HTR4: variants seen among roughly 807,000 people sequenced by gnomAD.
HTR4 encodes the protein 5-hydroxytryptamine receptor 4.
Under a neutral mutation model 36.8 loss-of-function variants are expected in HTR4, and 16 were observed. The ratio of observed to expected loss-of-function variants is 0.43; its 90% confidence interval spans 0.29 to 0.66. The LOEUF (loss-of-function observed/expected upper bound fraction) is 0.66. Among genes scored for constraint, HTR4 ranks in the 30% least tolerant of loss-of-function variants. HTR4 has a pLI of 0.13. For synonymous variants in HTR4, 189 were observed against 185.1 expected (o/e 1.02, Z -0.17); for missense variants, 438 against 490.9 (o/e 0.89, Z 1.02).
chr5:148,461,391 G>A (rs938357564), intron 5 of HTR4, among the ~76,000 whole-genome samples: 4 of 151,856 alleles, frequency 2.6e-5, no homozygotes, highest in Non-Finnish European at 5.9e-5. Context: ...TAAATTTAAA[G>A]ACATATAGAT....
chr5:148,451,308 A>G lies in HTR4; in HGVS notation c.1077-36T>C, dbSNP rs775718821. Reference sequence around the variant, plus strand: ...AGGAAAGAAGGCATGAGAATTCAACAGGCATGCTCCAACTGCACCGAAGTC... The same window carrying G: ...AGGAAAGAAGGCATGAGAATTCAACGGGCATGCTCCAACTGCACCGAAGTC... On this transcript the variant is annotated intron_variant, in intron 5 of 5. Transcript: ENST00000521530. The G allele has an allele frequency of 3.7e-6, 6 of 1,612,774 alleles. No individual in the cohort carries two copies. In the Admixed American group the frequency reaches 8.3e-5, roughly 22 times the overall value.
intron 5 of HTR4, among the ~76,000 whole-genome samples, chr5:148,518,363 T>G (rs928554510): frequency 6.6e-6 from 1 of 152,152 alleles, no homozygotes; most frequent in Non-Finnish European, 1.5e-5. Context: ...TGAATTAGAT[T>G]CTCAAATATG....
At chr5:148,520,659 CTAAG>C (rs1757968014) in intron 5 of HTR4, among the ~76,000 whole-genome samples, 2 of 152,088 alleles carry the variant, frequency 1.3e-5, no homozygotes, top group African/African-American at 2.4e-5. Flanking sequence ...GTTGTGAAGC[CTAAG>C]TGAGGTTCCC....
At chr5:148,476,614 G>A, downstream of HTR4, 1 of 1,541,168 alleles carries the variant, frequency 6.5e-7, no homozygotes, top group South Asian at 1.3e-5. Flanking sequence ...ACAATGAAAA[G>A]CTTCACATTC....
chr5:148,641,901 G>A (rs1378352419), intron 1 of HTR4, among the ~76,000 whole-genome samples: 1 of 152,150 alleles, frequency 6.6e-6, no homozygotes, highest in Non-Finnish European at 1.5e-5. Flanking sequence ...AGAAGTGTGA[G>A]CACAGGGTTC....
At chr5:148,636,923 T>C in intron 2 of HTR4, 66 bp downstream of exon 2, 9 of 1,031,752 alleles carry the variant, frequency 8.7e-6, no homozygotes, top group Non-Finnish European at 1.2e-5. Flanking sequence ...AACAACAGAT[T>C]TTTAGAGTCT....
chr5:148,554,882 T>A (rs1280538075), intron 2 of HTR4, among the ~76,000 whole-genome samples: 1 of 152,142 alleles, frequency 6.6e-6, no homozygotes, highest in Admixed American at 6.6e-5. Context: ...CCCCCACTTG[T>A]AAGTAAGAAC....
intron 2 of HTR4, among the ~76,000 whole-genome samples, chr5:148,561,012 T>G (rs186077436): frequency 1.3e-5 from 2 of 152,258 alleles, no homozygotes; most frequent in East Asian, 3.9e-4. Flanking sequence ...AGGATGGAAA[T>G]TATATATAAT....
chr5:148,560,210 A>T (rs1365293210), intron 2 of HTR4, among the ~76,000 whole-genome samples: 1,547 of 138,368 alleles, frequency 0.011, 28 homozygotes, highest in African/African-American at 0.039. Context: ...TTTTTTAAAA[A>T]AAAAAAAAAA....
intron 1 of HTR4, among the ~76,000 whole-genome samples, chr5:148,651,545 G>T (rs890056733): frequency 6.6e-6 from 1 of 152,066 alleles, no homozygotes; most frequent in Non-Finnish European, 1.5e-5. Flanking sequence ...CCAAGTAGGG[G>T]TTGCTGCTGG....
intron 2 of HTR4, among the ~76,000 whole-genome samples, chr5:148,550,761 G>C (rs552252733): frequency 3.3e-5 from 5 of 152,264 alleles, no homozygotes; most frequent in African/African-American, 1.2e-4. Flanking sequence ...GCAACCACAG[G>C]GTGGAACCTA....
At chr5:148,458,933 G>T (rs939771184) in intron 5 of HTR4, among the ~76,000 whole-genome samples, 5 of 152,194 alleles carry the variant, frequency 3.3e-5, no homozygotes, top group African/African-American at 4.8e-5. Context: ...GGTAAATTAG[G>T]AGGTGTATTA....
chr5:148,465,254 A>G (rs1755395856), intron 5 of HTR4, among the ~76,000 whole-genome samples: 1 of 152,196 alleles, frequency 6.6e-6, no homozygotes, highest in African/African-American at 2.4e-5. Flanking sequence ...TAATGTGTCA[A>G]TATAGGTTCA....
chr5:148,479,155 G>A (rs896332932), downstream of HTR4, among the ~76,000 whole-genome samples: 28 of 152,240 alleles, frequency 1.8e-4, no homozygotes, highest in South Asian at 3.3e-3. Flanking sequence ...TGCTCATTAG[G>A]TGACCATGTC....
In HTR4 at chr5:148,639,617, G is replaced by GTATATATATATA. The variant is rs370514542; in HGVS notation, c.-47-2568_-47-2557dup. On this transcript the variant is annotated intron_variant, in intron 1 of 6. Coordinates refer to ENST00000377888, the MANE Select transcript of HTR4 (RefSeq NM_000870.7). ...TCTCTGTTCTATTTTTTTCTTCCCAGTATATATATATATATATATATATAT... is the reference window on the plus strand; with the variant it reads ...TCTCTGTTCTATTTTTTTCTTCCCAGTATATATATATATATATATATATATATATATATATAT... 5.5e-3 allele frequency among the ~76,000 whole-genome samples: 614 copies of GTATATATATATA among 111,794 alleles called. 14 individuals are homozygous for GTATATATATATA. The highest frequency in any genetic ancestry group is 0.014 in the African/African-American group (385 of 27,196). 73.3% of individuals were successfully genotyped at this position (111,794 alleles called of 152,430 possible).
intron 1 of HTR4, among the ~76,000 whole-genome samples, chr5:148,650,566 AG>A (rs1219811251): frequency 6.6e-6 from 1 of 152,164 alleles, no homozygotes; most frequent in Non-Finnish European, 1.5e-5. Flanking sequence ...ATAAAGACAG[AG>A]TTTTTTTTAA....
intron 2 of HTR4, among the ~76,000 whole-genome samples, chr5:148,617,042 G>T (rs1752719487): frequency 1.3e-5 from 2 of 152,258 alleles, no homozygotes; most frequent in South Asian, 2.1e-4. Context: ...GATATGGTTT[G>T]GATATTTGTC....
intron 5 of HTR4, among the ~76,000 whole-genome samples, chr5:148,460,610 C>T (rs1437498465): frequency 6.6e-6 from 1 of 151,882 alleles, no homozygotes; most frequent in African/African-American, 2.4e-5. Context: ...AATTTGTTGC[C>T]AGTATACCTG....
chr5:148,503,460 C>A (rs1316630371), intron 6 of HTR4, among the ~76,000 whole-genome samples: 3 of 152,112 alleles, frequency 2.0e-5, no homozygotes, highest in Non-Finnish European at 4.4e-5. Flanking sequence ...TTTGTCACCA[C>A]CAGGCCAGCC....
Sources: gnomAD v4.1 joint callset for allele counts (sites outside exome capture counted in the v4.1 genomes callset) on GRCh38, gnomAD v4.1.1 for gene constraint, MANE v1.5 for transcripts, NCBI Gene and HGNC (gene_info 2026-07-23, HGNC 2026-07-21) for gene names.